Variants in RPS6KA5 observed in about 807,000 individuals in gnomAD.
RPS6KA5 encodes the protein ribosomal protein S6 kinase alpha-5.
In RPS6KA5, 27 loss-of-function variants were observed where a neutral mutation model predicts 85.5. That is an observed-to-expected ratio of 0.32 (90% CI 0.23 to 0.44). The LOEUF (loss-of-function observed/expected upper bound fraction) is 0.44. Ranked by LOEUF, RPS6KA5 falls within the 20% of genes least tolerant of loss-of-function variation. The probability of loss-of-function intolerance (pLI) is 1.00; values close to 1 mark genes in which losing one functional copy is unlikely to be tolerated. For synonymous variants in RPS6KA5, 334 were observed against 348.2 expected (o/e 0.96, Z 0.46); for missense variants, 811 against 980.9 (o/e 0.83, Z 2.31).
chr14:90,880,664 T>C lies in RPS6KA5; in HGVS notation c.1837-5304A>G, dbSNP rs898906310. 2.8e-4 allele frequency among the ~76,000 whole-genome samples: 42 copies of C among 152,204 alleles called. 1 individual carries two copies. Among genetic ancestry groups the C allele is most frequent in the African/African-American group, 8.9e-4 (37 of 41,458 alleles). On this transcript the variant is annotated intron_variant, in intron 14 of 16. Coordinates refer to ENST00000614987, the MANE Select transcript of RPS6KA5 (RefSeq NM_004755.4). Reference sequence around the variant, plus strand: ...AGTTGGGTATTGAAGTCTCCAATAATTATTACAGGACTGTCTACTTCTCCC... The same window carrying C: ...AGTTGGGTATTGAAGTCTCCAATAACTATTACAGGACTGTCTACTTCTCCC...
chr14:90,933,767 C>T (rs905958565), intron 5 of RPS6KA5, among the ~76,000 whole-genome samples: 4 of 152,154 alleles, frequency 2.6e-5, no homozygotes, highest in African/African-American at 9.7e-5. Context: ...CTGTACAATC[C>T]TTCTTCCATA....
At chr14:90,888,282 T>C (rs2034350116) in intron 14 of RPS6KA5, among the ~76,000 whole-genome samples, 1 of 152,180 alleles carries the variant, frequency 6.6e-6, no homozygotes, top group Non-Finnish European at 1.5e-5. Flanking sequence ...GGCTCCAAAA[T>C]ACACTGCTGC....
intron 4 of RPS6KA5, among the ~76,000 whole-genome samples, 194 bp downstream of exon 4, chr14:90,947,241 T>C (rs1320364945): frequency 1.3e-5 from 2 of 152,036 alleles, no homozygotes. Flanking sequence ...TTAATCTCTA[T>C]CATAGCAAGT....
Position 90,890,666 on chromosome 14 carries a change from T to C in RPS6KA5, c.1657A>G (p.Thr553Ala). 1 of 1,613,566 alleles carries C rather than the reference T, an allele frequency of 6.2e-7. No homozygotes were observed. Among genetic ancestry groups the C allele is most frequent in the African/African-American group, 1.3e-5 (1 of 75,004 alleles). The change falls in exon 14 of 17, where the codon ACC becomes GCC. Residue 553 changes from threonine (T) to alanine (A), a missense_variant. Physicochemically the swap from Thr to Ala is moderately conservative, Grantham distance 58 (BLOSUM62 0). Around this residue, in one of 3 missense-constraint regions of RPS6KA5, gnomAD observed 650 missense variants for 793.4 expected, o/e 0.82. Coordinates refer to ENST00000614987, the MANE Select transcript of RPS6KA5 (RefSeq NM_004755.4). ...RDLKPENLLFTDENDNLEIKI... is the reference protein window; with the variant it reads ...RDLKPENLLFADENDNLEIKI... ...ATTTCCAAATTGTCATTTTCATCGG[T>C]GAACAATAAATTCTGCAAGATATCA...
At chr14:90,956,935 A>G (rs949889965) in intron 3 of RPS6KA5, among the ~76,000 whole-genome samples, 1 of 145,104 alleles carries the variant, frequency 6.9e-6, no homozygotes, top group Admixed American at 6.9e-5. Flanking sequence ...GTAGTTTGTT[A>G]TATTAGCCTT....
chr14:90,998,443 G>A (rs1196966631), intron 2 of RPS6KA5, among the ~76,000 whole-genome samples: 2 of 152,118 alleles, frequency 1.3e-5, no homozygotes, highest in Non-Finnish European at 2.9e-5. Context: ...AGATAAAACA[G>A]CTATTATAAA....
chr14:90,931,167 A>G (rs147880869), intron 5 of RPS6KA5, among the ~76,000 whole-genome samples: 10 of 152,360 alleles, frequency 6.6e-5, no homozygotes, highest in African/African-American at 2.4e-4. Flanking sequence ...ACGAATAAAC[A>G]AAATGTGGCA....
At chr14:91,035,793 A>C (rs75149559) in intron 1 of RPS6KA5, among the ~76,000 whole-genome samples, 15,840 of 147,720 alleles carry the variant, frequency 0.11, 1,171 homozygotes, top group East Asian at 0.3. Context: ...ACTGTTTAAA[A>C]AGAAAATCAG....
intron 7 of RPS6KA5, among the ~76,000 whole-genome samples, chr14:90,917,844 A>G (rs1009223373): frequency 6.6e-6 from 1 of 152,162 alleles, no homozygotes; most frequent in Non-Finnish European, 1.5e-5. Context: ...CTACAGGTGC[A>G]CTACTGCACA....
At chr14:91,037,016 AAGAG>A (rs1418526679) in intron 1 of RPS6KA5, among the ~76,000 whole-genome samples, 1 of 152,214 alleles carries the variant, frequency 6.6e-6, no homozygotes, top group Non-Finnish European at 1.5e-5. Context: ...AATGGTGCTT[AAGAG>A]AGAGCTAACA....
At chr14:90,994,100 C>T (rs936990184) in intron 2 of RPS6KA5, among the ~76,000 whole-genome samples, 6 of 152,050 alleles carry the variant, frequency 3.9e-5, no homozygotes, top group African/African-American at 1.4e-4. Flanking sequence ...ACTATGTTGC[C>T]CAGACAGATG....
chr14:90,979,849 T>TGAG (rs1196498514), intron 2 of RPS6KA5, among the ~76,000 whole-genome samples: 1 of 152,194 alleles, frequency 6.6e-6, no homozygotes, highest in African/African-American at 2.4e-5. Context: ...GCCCAAAGAC[T>TGAG]GAGGCAAGAA....
chr14:90,946,770 TTAAG>T (rs1237869103), intron 4 of RPS6KA5, among the ~76,000 whole-genome samples: 3 of 152,194 alleles, frequency 2.0e-5, no homozygotes, highest in African/African-American at 7.2e-5. Context: ...TGTTTCCTCA[TTAAG>T]TAAAACAAAA....
intron 8 of RPS6KA5, among the ~76,000 whole-genome samples, chr14:90,903,696 A>G (rs554896670): frequency 1.4e-4 from 22 of 152,354 alleles, no homozygotes; most frequent in Non-Finnish European, 2.9e-4. Context: ...TATCATTTAA[A>G]ACAATCTCAG....
intron 3 of RPS6KA5, among the ~76,000 whole-genome samples, chr14:90,971,818 T>C (rs143968155): frequency 2.0e-5 from 3 of 152,278 alleles, no homozygotes; most frequent in Non-Finnish European, 2.9e-5. Flanking sequence ...CTCCATGACC[T>C]ACTCCTTCAG....
rs555442087 is a variant in RPS6KA5 at position 90,953,744 on chromosome 14, C to T, written c.395-6194G>A. On this transcript the variant is annotated intron_variant, in intron 3 of 16. Coordinates refer to ENST00000614987, the MANE Select transcript of RPS6KA5 (RefSeq NM_004755.4). ...TGCAGTTGAGATAAGGACTGAAATA[C>T]GCCCTGGTCTCCTGCAGTACCCTCA... Among the ~76,000 whole-genome samples, 102 of 152,274 alleles carry T rather than the reference C, an allele frequency of 6.7e-4. 1 individual carries two copies. Among genetic ancestry groups the T allele is most frequent in the African/African-American group, 2.3e-3 (94 of 41,546 alleles).
At chr14:90,977,711 T>C (rs1333168734) in intron 3 of RPS6KA5, among the ~76,000 whole-genome samples, 1 of 152,196 alleles carries the variant, frequency 6.6e-6, no homozygotes, top group East Asian at 1.9e-4. Context: ...AATGGAAGCA[T>C]ACTGCTCAGG....
intron 3 of RPS6KA5, among the ~76,000 whole-genome samples, chr14:90,961,849 C>G (rs1003250054): frequency 1.3e-5 from 2 of 152,216 alleles, no homozygotes; most frequent in Admixed American, 6.5e-5. Flanking sequence ...ATATCTACAA[C>G]CTTGCAAAAA....
intron 14 of RPS6KA5, among the ~76,000 whole-genome samples, chr14:90,888,879 G>T (rs1251221739): frequency 1.3e-5 from 2 of 152,124 alleles, no homozygotes; most frequent in East Asian, 3.8e-4. Context: ...TTTAAAACAA[G>T]TGACACACCA....
Sources: gnomAD v4.1 joint callset for allele counts (sites outside exome capture counted in the v4.1 genomes callset) on GRCh38, gnomAD v4.1.1 for gene constraint, gnomAD v4.1.1 regional missense constraint, MANE v1.5 for transcripts, NCBI Gene and HGNC (gene_info 2026-07-23, HGNC 2026-07-21) for gene names.